CADM2: variants seen among roughly 807,000 people sequenced by gnomAD.
CADM2 encodes cell adhesion molecule 2, also known as immunoglobulin superfamily member 4D.
Under a neutral mutation model 49.8 loss-of-function variants are expected in CADM2, and 12 were observed. That is an observed-to-expected ratio of 0.24 (90% CI 0.15 to 0.39). The LOEUF is 0.39. CADM2 is among the 10% of genes least tolerant of loss of function. CADM2 has a pLI of 1.00. For missense variants in CADM2, 378 were observed against 492.3 expected, an observed-to-expected ratio of 0.77 and a Z score of 2.20; for synonymous variants, 214 against 175.4, an observed-to-expected ratio of 1.22 and a Z score of -1.74.
At chr3:85,088,702 A>T (rs941839090) in intron 1 of CADM2, among the ~76,000 whole-genome samples, 2 of 152,126 alleles carry the variant, frequency 1.3e-5, no homozygotes, top group Non-Finnish European at 2.9e-5. Flanking sequence ...CATTAAGAAG[A>T]CCTATTATGA....
intron 1 of CADM2, among the ~76,000 whole-genome samples, chr3:85,487,618 G>A (rs888893273): frequency 6.7e-6 from 1 of 148,158 alleles, no homozygotes; most frequent in Non-Finnish European, 1.5e-5. Flanking sequence ...AGGAGGAGGA[G>A]GAAGTGGAGG....
At chr3:85,554,717 AC>A (rs2061905438) in intron 1 of CADM2, among the ~76,000 whole-genome samples, 1 of 151,818 alleles carries the variant, frequency 6.6e-6, no homozygotes. Flanking sequence ...TATTTTTGTG[AC>A]AAATTCTTGC....
At chr3:85,635,354 A>G (rs1332432414) in intron 1 of CADM2, among the ~76,000 whole-genome samples, 2 of 152,132 alleles carry the variant, frequency 1.3e-5, no homozygotes, top group African/African-American at 4.8e-5. Flanking sequence ...TGGTAAAATT[A>G]TTTCTAAGTG....
At chr3:85,809,790 C>CTCTCTTTCTTTCTT (rs1553690315) in intron 3 of CADM2, among the ~76,000 whole-genome samples, 20 of 98,948 alleles carry the variant, frequency 2.0e-4, no homozygotes, top group African/African-American at 8.7e-4. Context: ...CTCTCTCTCT[C>CTCTCTTTCTTTCTT]TCTTTCTTTC....
intron 1 of CADM2, among the ~76,000 whole-genome samples, chr3:85,285,680 C>A (rs1411503268): frequency 5.3e-5 from 8 of 151,852 alleles, no homozygotes; most frequent in Admixed American, 2.6e-4. Context: ...ATTTAAGTAG[C>A]AAATAATACA....
chr3:86,007,200 A>G (rs1730906528), intron 8 of CADM2, among the ~76,000 whole-genome samples: 1 of 144,360 alleles, frequency 6.9e-6, no homozygotes, highest in African/African-American at 2.6e-5. Flanking sequence ...GGTCTTTACT[A>G]TATTCCAGAT....
At chr3:85,138,028 C>T (rs1406906216) in intron 1 of CADM2, among the ~76,000 whole-genome samples, 2 of 151,904 alleles carry the variant, frequency 1.3e-5, no homozygotes, top group Non-Finnish European at 2.9e-5. Flanking sequence ...TCTATGTTGA[C>T]CTCTTTCAAC....
chr3:85,192,632 G>A (rs1343893264), intron 1 of CADM2, among the ~76,000 whole-genome samples: 2 of 150,518 alleles, frequency 1.3e-5, no homozygotes, highest in African/African-American at 4.9e-5. Context: ...TTTAAAAATA[G>A]TAACCTATAA....
intron 1 of CADM2, among the ~76,000 whole-genome samples, chr3:85,357,797 G>A (rs1242304972): frequency 6.6e-6 from 1 of 152,058 alleles, no homozygotes; most frequent in Non-Finnish European, 1.5e-5. Flanking sequence ...AGTAGAGATT[G>A]TATCATTTAA....
At chr3:85,466,590 T>C (rs1034190127) in intron 1 of CADM2, among the ~76,000 whole-genome samples, 1 of 152,180 alleles carries the variant, frequency 6.6e-6, no homozygotes, top group African/African-American at 2.4e-5. Context: ...TCAATCTCAA[T>C]ATAAAACATT....
rs116947734 is a variant in CADM2, at chr3:85,280,198, A to C, written c.61+320530A>C. On this transcript the variant is annotated intron_variant, in intron 1 of 9. Transcript: ENST00000383699. The stretch of plus-strand genomic sequence containing the variant: ...TTCTCCCCTTCACATGTACTTTGTT[A>C]TTGATGGCAAAATTCACTCTATTTT... Among the ~76,000 whole-genome samples the C allele has an allele frequency of 1.6e-3, 236 of 151,782 alleles. 8 individuals carry two copies. In the East Asian group the frequency reaches 0.041, roughly 27 times the overall value.
intron 8 of CADM2, among the ~76,000 whole-genome samples, chr3:86,047,292 G>A (rs1426052087): frequency 6.6e-6 from 1 of 152,158 alleles, no homozygotes; most frequent in Non-Finnish European, 1.5e-5. Flanking sequence ...TTATGGGAAG[G>A]CATCGGGGAG....
At chr3:86,054,022 T>A (rs1168910007) in intron 8 of CADM2, among the ~76,000 whole-genome samples, 1 of 152,038 alleles carries the variant, frequency 6.6e-6, no homozygotes, top group Non-Finnish European at 1.5e-5. Flanking sequence ...AACATATCTG[T>A]CATATAGCTA....
chr3:85,674,099 A>G (rs1577063162), intron 1 of CADM2, among the ~76,000 whole-genome samples: 1 of 152,300 alleles, frequency 6.6e-6, no homozygotes, highest in East Asian at 1.9e-4. Context: ...CGAAACCACA[A>G]TGGATTTCAG....
chr3:85,266,113 A>G lies in CADM2; in HGVS notation c.61+306445A>G, dbSNP rs924142053. On this transcript the variant is annotated intron_variant, in intron 1 of 9. Coordinates refer to ENST00000383699, the MANE Select transcript of CADM2 (RefSeq NM_001167675.2). ...AAATGTCTCGATTCTTCATCACGCT[A>G]TGCTCTGTTACCTGTCTGTAGGTGG... Among the ~76,000 whole-genome samples the G allele has an allele frequency of 2.0e-5, 3 of 151,890 alleles. No individual in the cohort carries two copies. The South Asian group carries it at 6.2e-4, about 31-fold the overall frequency.
chr3:85,549,557 G>A (rs147754967), intron 1 of CADM2, among the ~76,000 whole-genome samples: 312 of 152,182 alleles, frequency 2.1e-3, no homozygotes, highest in Non-Finnish European at 3.9e-3. Flanking sequence ...TGGTGAAAGA[G>A]GAAACACAAA....
intron 1 of CADM2, among the ~76,000 whole-genome samples, chr3:85,533,932 A>G (rs925852672): frequency 6.6e-6 from 1 of 152,176 alleles, no homozygotes; most frequent in Admixed American, 6.5e-5. Flanking sequence ...ATTCTACAGA[A>G]TATTTTACTA....
chr3:85,284,262 C>G (rs2106903019), intron 1 of CADM2, among the ~76,000 whole-genome samples: 1 of 152,180 alleles, frequency 6.6e-6, no homozygotes, highest in East Asian at 1.9e-4. Flanking sequence ...CATTTATTCA[C>G]TTATTCAGCA....
At chr3:85,584,100 C>G (rs892996253) in intron 1 of CADM2, among the ~76,000 whole-genome samples, 3 of 151,938 alleles carry the variant, frequency 2.0e-5, no homozygotes, top group African/African-American at 7.2e-5. Context: ...AATTGAGAAA[C>G]TATTTTTGGT....
Sources: allele counts gnomAD v4.1 joint callset (sites outside exome capture counted in the v4.1 genomes callset), GRCh38; gene constraint gnomAD v4.1.1; transcripts MANE v1.5; gene names NCBI Gene and HGNC (gene_info 2026-07-23, HGNC 2026-07-21).